Variants in PKIA observed in about 807,000 individuals in gnomAD.
PKIA encodes PKI-alpha.
A neutral mutation model predicts 7.6 loss-of-function variants in PKIA; 4 were observed. The observed-to-expected ratio is 0.52, with a 90% CI of 0.26 to 1.20. The LOEUF (loss-of-function observed/expected upper bound fraction) is 1.20, where lower values mean the gene tolerates loss of function less well. PKIA is among the 50% of genes most tolerant of loss of function. The pLI is 0.13. For missense variants in PKIA, 73 were observed against 86.2 expected (o/e 0.85, Z 0.61); for synonymous variants, 21 against 30.7 (o/e 0.68, Z 1.04).
At chr8:78,583,478 T>C (rs1807871078) in intron 2 of PKIA, among the ~76,000 whole-genome samples, 1 of 152,174 alleles carries the variant, frequency 6.6e-6, no homozygotes, top group Admixed American at 6.6e-5. Flanking sequence ...AGAGGCATAA[T>C]AGCATTACCT....
chr8:78,541,101 C>T (rs1231785062), intron 1 of PKIA, among the ~76,000 whole-genome samples: 1 of 152,142 alleles, frequency 6.6e-6, no homozygotes, highest in Non-Finnish European at 1.5e-5. Context: ...CTCAACATCT[C>T]TGCATTTCCC....
In PKIA at chr8:78,601,839, C is replaced by T. The variant is rs757476130; in HGVS notation, c.*18C>T. The T allele has an allele frequency of 3.4e-5, 54 of 1,567,976 alleles. No homozygotes were observed. The highest frequency in any genetic ancestry group is 6.7e-5 in the Admixed American group (4 of 59,582). On this transcript the variant is annotated 3_prime_UTR_variant, in exon 4 of 4. Transcript: ENST00000396418. ...AAAGCTAACACCCCACTTTGACCCT[C>T]GACCACACCTGAAAATGTCTCAAAT...
At chr8:78,575,048 CCTT>C (rs1328137711) in intron 2 of PKIA, among the ~76,000 whole-genome samples, 1 of 151,870 alleles carries the variant, frequency 6.6e-6, no homozygotes, top group Non-Finnish European at 1.5e-5. Flanking sequence ...GATTAGATCT[CCTT>C]CTCCACAATT....
intron 1 of PKIA, among the ~76,000 whole-genome samples, chr8:78,528,158 G>A (rs1413512786): frequency 2.0e-5 from 3 of 152,012 alleles, no homozygotes; most frequent in South Asian, 4.1e-4. Flanking sequence ...GGACATAGGC[G>A]AAAAATACTA....
rs747422511 is a variant in PKIA at position 78,554,417 on chromosome 8, T to G, written c.-156-18394T>G. Among the ~76,000 whole-genome samples the G allele has an allele frequency of 4.3e-4, 66 of 151,988 alleles. 1 individual carries two copies. Among genetic ancestry groups the G allele is most frequent in the Non-Finnish European group, 1.5e-4 (10 of 67,934 alleles). ...CACCTGAGAGGAAAGCCACCAATATTTAAATCCAGGAACTTAATATTGACC... is the reference window on the plus strand; with the variant it reads ...CACCTGAGAGGAAAGCCACCAATATGTAAATCCAGGAACTTAATATTGACC... On this transcript the variant is annotated intron_variant, in intron 1 of 3. Transcript: ENST00000396418.
intron 1 of PKIA, among the ~76,000 whole-genome samples, chr8:78,549,088 CT>C (rs1311093961): frequency 1.2e-4 from 19 of 152,012 alleles, no homozygotes; most frequent in African/African-American, 4.3e-4. Flanking sequence ...CAATAAAAGT[CT>C]GTTTCCAAAC....
chr8:78,573,901 A>G (rs1014687976), intron 2 of PKIA, among the ~76,000 whole-genome samples: 1 of 151,976 alleles, frequency 6.6e-6, no homozygotes, highest in Admixed American at 6.6e-5. Context: ...CATATTTGCC[A>G]AGGTCTGTGA....
chr8:78,574,230 T>G (rs1321242085), intron 2 of PKIA, among the ~76,000 whole-genome samples: 1 of 152,042 alleles, frequency 6.6e-6, no homozygotes, highest in Admixed American at 6.6e-5. Flanking sequence ...AATTGGTATA[T>G]CCATCATTTT....
At chr8:78,536,908 A>T (rs1024291618) in intron 1 of PKIA, among the ~76,000 whole-genome samples, 30 of 140,188 alleles carry the variant, frequency 2.1e-4, no homozygotes, top group African/African-American at 7.3e-4. Flanking sequence ...ACACACACAC[A>T]CTACATTTTA....
intron 2 of PKIA, among the ~76,000 whole-genome samples, chr8:78,594,884 C>T (rs1397798797): frequency 1.3e-5 from 2 of 152,164 alleles, no homozygotes; most frequent in Non-Finnish European, 2.9e-5. Context: ...CGTATCTTCT[C>T]AGAGGAAGAT....
intron 2 of PKIA, among the ~76,000 whole-genome samples, chr8:78,584,696 G>T (rs1167312481): frequency 6.6e-6 from 1 of 152,048 alleles, no homozygotes; most frequent in Non-Finnish European, 1.5e-5. Flanking sequence ...CAAGGTAATA[G>T]GTTCAAGCAT....
chr8:78,598,738 A>G (rs1406794915), intron 3 of PKIA, among the ~76,000 whole-genome samples: 1 of 152,138 alleles, frequency 6.6e-6, no homozygotes, highest in African/African-American at 2.4e-5. Context: ...AAGGCTTCCC[A>G]CTCAAATGCA....
chr8:78,550,666 T>A (rs1188662822), intron 1 of PKIA, among the ~76,000 whole-genome samples: 1 of 152,114 alleles, frequency 6.6e-6, no homozygotes, highest in Admixed American at 6.6e-5. Flanking sequence ...TATGTTTTTT[T>A]AATTTTTTCA....
intron 1 of PKIA, among the ~76,000 whole-genome samples, chr8:78,569,235 G>A (rs1484286533): frequency 6.6e-6 from 1 of 152,142 alleles, no homozygotes; most frequent in Non-Finnish European, 1.5e-5. Flanking sequence ...TTAAGGTAGT[G>A]TAAAGAAAGA....
At chr8:78,573,701 A>G (rs1040016424) in intron 2 of PKIA, among the ~76,000 whole-genome samples, 1 of 152,022 alleles carries the variant, frequency 6.6e-6, no homozygotes, top group Non-Finnish European at 1.5e-5. Flanking sequence ...AGTACTCAAA[A>G]TGAAGACACA....
At chr8:78,529,023 G>A (rs1278245029) in intron 1 of PKIA, among the ~76,000 whole-genome samples, 2 of 152,066 alleles carry the variant, frequency 1.3e-5, no homozygotes, top group East Asian at 1.9e-4. Flanking sequence ...TGGAGTTACT[G>A]TTCTGGTTTC....
At chr8:78,560,269 T>G (rs1219446605) in intron 1 of PKIA, among the ~76,000 whole-genome samples, 1 of 152,242 alleles carries the variant, frequency 6.6e-6, no homozygotes, top group Non-Finnish European at 1.5e-5. Flanking sequence ...AAAACTGATT[T>G]ATTTTCATTC....
chr8:78,533,004 G>T (rs551570117), intron 1 of PKIA, among the ~76,000 whole-genome samples: 1 of 152,258 alleles, frequency 6.6e-6, no homozygotes, highest in African/African-American at 2.4e-5. Flanking sequence ...CAAGTGCAGT[G>T]AGTATCCTTG....
At chr8:78,536,136 A>G (rs1358068051) in intron 1 of PKIA, among the ~76,000 whole-genome samples, 1 of 152,124 alleles carries the variant, frequency 6.6e-6, no homozygotes, top group Non-Finnish European at 1.5e-5. Flanking sequence ...ACAAAACCCT[A>G]TCAAGACTGG....
Sources: gnomAD v4.1 joint callset for allele counts (sites outside exome capture counted in the v4.1 genomes callset) on GRCh38, gnomAD v4.1.1 for gene constraint, MANE v1.5 for transcripts, NCBI Gene and HGNC (gene_info 2026-07-23, HGNC 2026-07-21) for gene names.